Variants in NFIB observed in about 807,000 individuals in gnomAD.
NFIB encodes the protein nuclear factor I B.
In NFIB, 11 loss-of-function variants were observed where a neutral mutation model predicts 61.5. The ratio of observed to expected loss-of-function variants is 0.18; its 90% CI spans 0.11 to 0.30. The LOEUF is 0.30. NFIB is among the 10% of genes least tolerant of loss of function. The pLI, the probability that NFIB is intolerant of heterozygous loss-of-function variation, is 1.00. For synonymous variants in NFIB, 260 were observed against 216.5 expected (o/e 1.20, Z -1.76); for missense variants, 471 against 608.9 (o/e 0.77, Z 2.38).
At position 14,306,927 on chromosome 9, in the gene NFIB, C is replaced by G. The variant is rs576620871; in HGVS notation, c.562+62G>C. ...GACCATCTAACTCAAGCCAGATACT[C>G]TGTCTACGGAGATTTGTAGGCGGTG... On this transcript the variant is annotated intron_variant, in intron 2 of 10. Transcript: ENST00000380953. 1.7e-5 allele frequency: 27 copies of G among 1,578,048 alleles called. No individual in the cohort carries two copies. The South Asian group carries it at 3.0e-4, about 17-fold the overall frequency.
chr9:14,420,428 A>C, the NFIB span, among the ~76,000 whole-genome samples: 1 of 133,910 alleles, frequency 7.5e-6, no homozygotes, highest in Admixed American at 8.8e-5. Flanking sequence ...CCTGGGCAAC[A>C]GAGCGAGACT....
chr9:14,105,201 A>G (rs1469036700), intron 10 of NFIB, among the ~76,000 whole-genome samples: 1 of 152,222 alleles, frequency 6.6e-6, no homozygotes, highest in East Asian at 1.9e-4. Context: ...AAGTAGTCCC[A>G]AAGTGGATAA....
chr9:14,500,631 G>A, the NFIB span, among the ~76,000 whole-genome samples: 1 of 152,124 alleles, frequency 6.6e-6, no homozygotes, highest in South Asian at 2.1e-4. Context: ...CCAGTGCCCA[G>A]TCCCGGTAAA....
Position 14,213,299 on chromosome 9 carries a change from T to C in NFIB, c.563-33519A>G, listed in dbSNP as rs190555912. Among the ~76,000 whole-genome samples the C allele has an allele frequency of 2.1e-4, 32 of 149,530 alleles. 1 individual carries two copies. The South Asian group carries it at 6.0e-3, about 28-fold the overall frequency. ...GGAAAGTTACCTATCCACCAGCAGG[T>C]TGATCTTTGGAAAGTTAACGCGGGC... On this transcript the variant is annotated intron_variant, in intron 2 of 10. Coordinates refer to ENST00000380953, the MANE Select transcript of NFIB (RefSeq NM_001190737.2).
chr9:14,343,560 G>T (rs997998585), intron 1 of NFIB, among the ~76,000 whole-genome samples: 2 of 152,154 alleles, frequency 1.3e-5, no homozygotes, highest in South Asian at 2.1e-4. Flanking sequence ...GCCTCTGCTG[G>T]CTGCAGTCTG....
intron 2 of NFIB, among the ~76,000 whole-genome samples, chr9:14,199,188 G>A (rs923432500): frequency 6.6e-6 from 1 of 152,230 alleles, no homozygotes; most frequent in Admixed American, 6.5e-5. Flanking sequence ...TAGGTGACTT[G>A]AGGTTACTTG....
chr9:14,228,274 A>G (rs2131901091), intron 2 of NFIB, among the ~76,000 whole-genome samples: 1 of 149,358 alleles, frequency 6.7e-6, no homozygotes, highest in Non-Finnish European at 1.5e-5. Context: ...GGCTCACTGC[A>G]GCCTCCGCCT....
At chr9:14,286,241 T>C (rs963248927) in intron 2 of NFIB, among the ~76,000 whole-genome samples, 1 of 152,220 alleles carries the variant, frequency 6.6e-6, no homozygotes, top group Non-Finnish European at 1.5e-5. Flanking sequence ...CCTCCAAGTT[T>C]CATTACAGTT....
chr9:14,223,359 G>A (rs895369257), intron 2 of NFIB, among the ~76,000 whole-genome samples: 3 of 152,118 alleles, frequency 2.0e-5, no homozygotes, highest in Admixed American at 2.0e-4. Flanking sequence ...CTCCAGTTCA[G>A]ACTCATGATA....
chr9:14,430,612 C>A, the NFIB span, among the ~76,000 whole-genome samples: 4 of 152,294 alleles, frequency 2.6e-5, no homozygotes, highest in African/African-American at 9.6e-5. Context: ...GACACAGCCT[C>A]ATCCTGTCAC....
At chr9:14,365,650 G>T (rs778555536) in intron 1 of NFIB, among the ~76,000 whole-genome samples, 1 of 152,168 alleles carries the variant, frequency 6.6e-6, no homozygotes, top group Non-Finnish European at 1.5e-5. Flanking sequence ...AGACTGGCTG[G>T]ATTTTCTATT....
intron 2 of NFIB, among the ~76,000 whole-genome samples, chr9:14,257,697 G>A (rs193100663): frequency 7.2e-5 from 11 of 152,138 alleles, no homozygotes; most frequent in Admixed American, 4.6e-4. Flanking sequence ...CAGAGGTTGT[G>A]GTGTGCCAAG....
rs144919303 is a variant in NFIB at position 14,151,046 on chromosome 9, C to G, written c.686-781G>C. Among the ~76,000 whole-genome samples, 306 of 152,156 alleles carry G rather than the reference C, an allele frequency of 2.0e-3. 1 individual carries two copies. Among genetic ancestry groups the G allele is most frequent in the Non-Finnish European group, 3.6e-3 (245 of 67,996 alleles). ...CAGCAGAGTCTTGAGAGATAAATAG[C>G]CTTTTAGTTTAAACTCCCTCTGTAT... is the stretch of plus-strand genomic sequence containing the variant. On this transcript the variant is annotated intron_variant, in intron 4 of 10. Transcript: ENST00000380953.
chr9:14,468,496 G>A, the NFIB span, among the ~76,000 whole-genome samples: 121 of 152,314 alleles, frequency 7.9e-4, no homozygotes, highest in East Asian at 0.018. Context: ...GTAGAGGGGT[G>A]AGAGTGGGTA....
chr9:14,487,143 T>C, the NFIB span, among the ~76,000 whole-genome samples: 332 of 152,312 alleles, frequency 2.2e-3, no homozygotes, highest in African/African-American at 7.4e-3. Flanking sequence ...CAATTTTGGG[T>C]AATTACATTG....
intron 2 of NFIB, chr9:14,300,252 G>T (rs1166198853): frequency 5.0e-6 from 2 of 398,418 alleles, no homozygotes; most frequent in Non-Finnish European, 4.4e-6. Flanking sequence ...TTGGCACTGG[G>T]GCATGCAGCC....
the NFIB span, among the ~76,000 whole-genome samples, chr9:14,492,040 A>G: frequency 1.3e-5 from 2 of 152,270 alleles, no homozygotes; most frequent in African/African-American, 4.8e-5. Flanking sequence ...TCATGCTGCT[A>G]TGAAGAAATA....
chr9:14,378,457 A>C (rs1255155691), intron 1 of NFIB, among the ~76,000 whole-genome samples: 2 of 152,138 alleles, frequency 1.3e-5, no homozygotes, highest in Non-Finnish European at 2.9e-5. Context: ...CCCGGGTTCA[A>C]GCGATTCTCC....
At chr9:14,194,097 G>A (rs981249910) in intron 2 of NFIB, among the ~76,000 whole-genome samples, 1 of 152,110 alleles carries the variant, frequency 6.6e-6, no homozygotes, top group African/African-American at 2.4e-5. Flanking sequence ...TTTTAAGCCT[G>A]TGCCTGAAAT....
Sources: allele counts gnomAD v4.1 joint callset (sites outside exome capture counted in the v4.1 genomes callset), GRCh38; gene constraint gnomAD v4.1.1; transcripts MANE v1.5; gene names NCBI Gene and HGNC (gene_info 2026-07-23, HGNC 2026-07-21).